ZNF148: variants seen among roughly 807,000 people sequenced by gnomAD.
ZNF148 encodes the protein Beta-Enolase Repressor Factor-1.
Under a neutral mutation model 67.7 loss-of-function variants are expected in ZNF148, and 7 were observed. That is an observed-to-expected ratio of 0.10 (90% confidence interval 0.06 to 0.19). ZNF148 has a LOEUF of 0.19. Among genes scored for constraint, ZNF148 ranks in the 10% least tolerant of loss-of-function variants. The pLI, the probability that ZNF148 is intolerant of heterozygous loss-of-function variation, is 1.00. For synonymous variants in ZNF148, 333 were observed against 330.7 expected, an observed-to-expected ratio of 1.01 and a Z score of -0.08; for missense variants, 583 against 947.1, an observed-to-expected ratio of 0.62 and a Z score of 5.05.
Position 125,236,752 on chromosome 3 carries a change from C to T in ZNF148, c.668-2423G>A, listed in dbSNP as rs137915595. 9.3e-3 allele frequency among the ~76,000 whole-genome samples: 1,414 copies of T among 152,298 alleles called. 17 individuals are homozygous for T. The highest frequency in any genetic ancestry group is 0.01 in the Non-Finnish European group (714 of 68,034). ...CTCTTTCAAGCTCGAGAGGCCCACA[C>T]GGACGGCTGCTGATGTGGCAACAGG... is the stretch of plus-strand genomic sequence containing the variant. On this transcript the variant is annotated intron_variant, in intron 7 of 8. Coordinates refer to ENST00000360647, the MANE Select transcript of ZNF148 (RefSeq NM_021964.3).
chr3:125,313,831 G>A (rs1330378117), intron 3 of ZNF148, among the ~76,000 whole-genome samples, 175 bp from the exon 4 acceptor site: 1 of 151,950 alleles, frequency 6.6e-6, no homozygotes, highest in Non-Finnish European at 1.5e-5. Context: ...AAGGCTGGTA[G>A]AATAAAACAC....
chr3:125,307,920 GC>G (rs1939977075), intron 4 of ZNF148, among the ~76,000 whole-genome samples: 1 of 151,090 alleles, frequency 6.6e-6, no homozygotes, highest in East Asian at 1.9e-4. Context: ...CCCCTAAAGT[GC>G]TGAGATTACA....
chr3:125,353,220 CTA>C (rs1385477830), intron 1 of ZNF148, among the ~76,000 whole-genome samples: 1 of 151,958 alleles, frequency 6.6e-6, no homozygotes, highest in Non-Finnish European at 1.5e-5. Context: ...CATAAACAAA[CTA>C]TGTCATTCTG....
chr3:125,307,330 G>T (rs1400001106), intron 4 of ZNF148, among the ~76,000 whole-genome samples: 1 of 150,160 alleles, frequency 6.7e-6, no homozygotes, highest in Non-Finnish European at 1.5e-5. Context: ...TTGAGACGGA[G>T]TCTCGCTCTG....
At position 125,234,348 on chromosome 3, in the gene ZNF148, A is replaced by C; in HGVS notation, c.668-19T>G. On this transcript the variant is annotated intron_variant, in intron 7 of 8. Coordinates refer to ENST00000360647, the MANE Select transcript of ZNF148 (RefSeq NM_021964.3). ...TTTTCACCTAGCACATAATATAGAA[A>C]GTTTAAAACAAAACAAATATTGTAA... is the stretch of plus-strand genomic sequence containing the variant. 4 of 1,491,922 alleles carry C rather than the reference A, an allele frequency of 2.7e-6. No homozygotes were observed. Among genetic ancestry groups the C allele is most frequent in the Non-Finnish European group, 3.7e-6 (4 of 1,082,122 alleles). The allele number at this position is 1,491,922 out of a possible 1,614,324, so 92.4% of individuals were successfully genotyped here.
chr3:125,311,059 C>T (rs990690883), intron 4 of ZNF148: 2 of 208,406 alleles, frequency 9.6e-6, no homozygotes, highest in Non-Finnish European at 2.1e-5. Context: ...TACAATACCA[C>T]CTATGGAGAA....
intron 7 of ZNF148, among the ~76,000 whole-genome samples, chr3:125,276,433 T>A (rs926992132): frequency 1.3e-5 from 2 of 151,540 alleles, no homozygotes; most frequent in Admixed American, 6.6e-5. Context: ...TATTTATTTA[T>A]TTTATTTATT....
chr3:125,295,627 A>T (rs1212167038), intron 4 of ZNF148, among the ~76,000 whole-genome samples: 1 of 152,208 alleles, frequency 6.6e-6, no homozygotes, highest in Admixed American at 6.5e-5. Flanking sequence ...AGTTTCAAAG[A>T]GTAATACTAA....
chr3:125,344,332 T>A, intron 1 of ZNF148: 5 of 543,454 alleles, frequency 9.2e-6, no homozygotes, highest in Non-Finnish European at 1.3e-5. Context: ...AAATCTTGTA[T>A]CAAAAGAAGA....
At chr3:125,302,450 T>C (rs867164639) in intron 4 of ZNF148, among the ~76,000 whole-genome samples, 1 of 152,184 alleles carries the variant, frequency 6.6e-6, no homozygotes, top group South Asian at 2.1e-4. Context: ...TTTACCTCCC[T>C]GCCTTATCAA....
chr3:125,351,349 G>A (rs116546443), intron 1 of ZNF148, among the ~76,000 whole-genome samples: 1,399 of 132,150 alleles, frequency 0.011, 30 homozygotes, highest in African/African-American at 0.038. Flanking sequence ...ACCGCACTCC[G>A]GCCTGGGCCA....
At chr3:125,316,907 T>C (rs541194743) in intron 3 of ZNF148, among the ~76,000 whole-genome samples, 1 of 152,204 alleles carries the variant, frequency 6.6e-6, no homozygotes, top group East Asian at 1.9e-4. Flanking sequence ...ACAATAAATA[T>C]TGAGGAAGTA....
intron 4 of ZNF148, among the ~76,000 whole-genome samples, chr3:125,299,605 C>T (rs1455853991): frequency 6.6e-6 from 1 of 152,170 alleles, no homozygotes; most frequent in African/African-American, 2.4e-5. Context: ...CTGGGTCAAA[C>T]AACCTTAAGA....
chr3:125,330,459 C>T (rs1396708453), intron 2 of ZNF148, among the ~76,000 whole-genome samples: 1 of 71,984 alleles, frequency 1.4e-5, no homozygotes, highest in African/African-American at 1.1e-4. Flanking sequence ...GGGCAAAACC[C>T]TATCTCAAAA....
intron 4 of ZNF148, among the ~76,000 whole-genome samples, chr3:125,309,272 T>C (rs759327854): frequency 2.6e-5 from 4 of 152,150 alleles, no homozygotes; most frequent in African/African-American, 9.7e-5. Context: ...TCAAAAAAAA[T>C]CTGATTGCCT....
At chr3:125,366,011 T>A (rs1942691458) in intron 1 of ZNF148, among the ~76,000 whole-genome samples, 1 of 152,168 alleles carries the variant, frequency 6.6e-6, no homozygotes, top group Non-Finnish European at 1.5e-5. Context: ...CATACAATCT[T>A]ACTCTACCAC....
intron 4 of ZNF148, among the ~76,000 whole-genome samples, chr3:125,299,347 G>A (rs1939462245): frequency 6.6e-6 from 1 of 152,128 alleles, no homozygotes; most frequent in Non-Finnish European, 1.5e-5. Flanking sequence ...TATTAAGAGT[G>A]TTAGGAGACT....
intron 7 of ZNF148, among the ~76,000 whole-genome samples, chr3:125,254,438 T>C (rs568245899): frequency 3.9e-5 from 6 of 152,314 alleles, no homozygotes; most frequent in African/African-American, 1.2e-4. Flanking sequence ...CACAGATACT[T>C]TGGTCTCTTG....
chr3:125,308,436 T>A (rs1579763814), intron 4 of ZNF148, among the ~76,000 whole-genome samples: 1 of 151,556 alleles, frequency 6.6e-6, no homozygotes, highest in East Asian at 1.9e-4. Flanking sequence ...ATTCATGGAC[T>A]GGGAGCCATT....
Sources: allele counts gnomAD v4.1 joint callset (sites outside exome capture counted in the v4.1 genomes callset), GRCh38; gene constraint gnomAD v4.1.1; transcripts MANE v1.5; gene names NCBI Gene and HGNC (gene_info 2026-07-23, HGNC 2026-07-21).